Variants in PCDH9 observed in about 807,000 individuals in gnomAD.
PCDH9 encodes the protein protocadherin-9.
PCDH9 carries 24 observed loss-of-function variants against 70.6 expected under a neutral mutation model. The observed-to-expected ratio is 0.34, with a 90% CI of 0.25 to 0.48. PCDH9 has a LOEUF of 0.48. PCDH9 is among the 20% of genes least tolerant of loss of function. The pLI is 0.99. For missense variants in PCDH9, 1,281 were observed against 1,503.6 expected (o/e 0.85, Z 2.45); for synonymous variants, 562 against 558.5 (o/e 1.01, Z -0.09).
chr13:66,766,775 T>C (rs1013766078), intron 3 of PCDH9, among the ~76,000 whole-genome samples: 2 of 152,154 alleles, frequency 1.3e-5, no homozygotes, highest in Non-Finnish European at 2.9e-5. Context: ...AGTGGTGTTG[T>C]ATGGCTTGAA....
intron 4 of PCDH9, among the ~76,000 whole-genome samples, chr13:66,403,303 T>G (rs1230421275): frequency 1.3e-5 from 2 of 151,934 alleles, no homozygotes; most frequent in African/African-American, 4.8e-5. Flanking sequence ...GCCTGGCTTT[T>G]TTTTTTGTTT....
intron 4 of PCDH9, among the ~76,000 whole-genome samples, chr13:66,622,883 T>C (rs999123100): frequency 4.6e-5 from 7 of 152,182 alleles, no homozygotes; most frequent in Non-Finnish European, 7.3e-5. Context: ...ACTGCCTTTA[T>C]GAGCTGTAAC....
At chr13:66,599,172 C>T (rs1239025240) in intron 4 of PCDH9, among the ~76,000 whole-genome samples, 2 of 151,430 alleles carry the variant, frequency 1.3e-5, no homozygotes, top group Non-Finnish European at 3.0e-5. Flanking sequence ...GTTATTTTTA[C>T]TAATTGTTCA....
intron 4 of PCDH9, among the ~76,000 whole-genome samples, chr13:66,404,022 G>A (rs375977298): frequency 6.6e-6 from 1 of 152,116 alleles, no homozygotes; most frequent in South Asian, 2.1e-4. Flanking sequence ...TCTGCAACAC[G>A]GATAATGCTT....
chr13:66,451,914 T>C (rs1003647940), intron 4 of PCDH9, among the ~76,000 whole-genome samples: 3 of 152,248 alleles, frequency 2.0e-5, no homozygotes, highest in South Asian at 2.1e-4. Flanking sequence ...ACTATCTTTT[T>C]CAATACTTTT....
At chr13:67,160,354 G>A (rs1028810976) in intron 2 of PCDH9, among the ~76,000 whole-genome samples, 6 of 152,240 alleles carry the variant, frequency 3.9e-5, no homozygotes, top group African/African-American at 1.4e-4. Context: ...GACCATCCTG[G>A]CGAACACGGT....
chr13:67,078,724 G>A (rs1447782290), intron 2 of PCDH9, among the ~76,000 whole-genome samples: 1 of 152,084 alleles, frequency 6.6e-6, no homozygotes. Context: ...GTGCCTTGAT[G>A]GTATGAACCA....
chr13:67,078,280 T>C (rs1162363319), intron 2 of PCDH9, among the ~76,000 whole-genome samples: 1 of 152,158 alleles, frequency 6.6e-6, no homozygotes, highest in African/African-American at 2.4e-5. Context: ...GTCAAATTTT[T>C]CTTAGACCTG....
At chr13:66,360,670 T>G (rs1315847776) in intron 4 of PCDH9, among the ~76,000 whole-genome samples, 1 of 152,134 alleles carries the variant, frequency 6.6e-6, no homozygotes, top group Non-Finnish European at 1.5e-5. Flanking sequence ...GAACATAGTA[T>G]TAGGCTCTCT....
At chr13:66,934,972 G>C (rs1394739531) in intron 2 of PCDH9, among the ~76,000 whole-genome samples, 1 of 151,386 alleles carries the variant, frequency 6.6e-6, no homozygotes. Flanking sequence ...CGCCCGCCTC[G>C]GCCTCCCAAA....
intron 3 of PCDH9, among the ~76,000 whole-genome samples, chr13:66,681,048 T>A (rs1346729839): frequency 1.3e-5 from 2 of 152,054 alleles, no homozygotes; most frequent in Non-Finnish European, 2.9e-5. Context: ...TATTCCATCA[T>A]CATAAACTAC....
intron 4 of PCDH9, among the ~76,000 whole-genome samples, chr13:66,314,333 T>C (rs1021164051): frequency 2.0e-5 from 3 of 152,218 alleles, no homozygotes; most frequent in African/African-American, 7.2e-5. Context: ...CAACAAATTC[T>C]GAATCGGTAG....
chr13:67,204,568 A>G (rs1382326786), intron 2 of PCDH9: 1 of 152,136 alleles, frequency 6.6e-6, no homozygotes, highest in East Asian at 1.9e-4. Context: ...GCTTTCCTTA[A>G]GGCAGAAATT....
chr13:67,158,672 TG>T (rs2087875279), intron 2 of PCDH9, among the ~76,000 whole-genome samples: 1 of 152,192 alleles, frequency 6.6e-6, no homozygotes, highest in South Asian at 2.1e-4. Context: ...ACTCCAGAAC[TG>T]TGAGAAATAA....
At chr13:67,154,593 A>C (rs867118277) in intron 2 of PCDH9, among the ~76,000 whole-genome samples, 1 of 85,794 alleles carries the variant, frequency 1.2e-5, no homozygotes, top group Non-Finnish European at 2.3e-5. Flanking sequence ...AAAAAAAAAA[A>C]AAATATATAT....
chr13:66,960,576 T>C (rs1167096352), intron 2 of PCDH9, among the ~76,000 whole-genome samples: 1 of 152,224 alleles, frequency 6.6e-6, no homozygotes, highest in African/African-American at 2.4e-5. Flanking sequence ...ATCTACTTCT[T>C]TGGATTTTAC....
chr13:66,943,732 T>G lies in PCDH9; in HGVS notation c.3037-40127A>C, dbSNP rs148965287. The stretch of plus-strand genomic sequence containing the variant: ...AAAAAGGAATGTCTCTTAGTGTAAT[T>G]TTTCTGTCAATCTAGGAATATGAGA... On this transcript the variant is annotated intron_variant, in intron 2 of 4. Coordinates refer to ENST00000377865, the MANE Select transcript of PCDH9 (RefSeq NM_203487.3). 2.7e-4 allele frequency among the ~76,000 whole-genome samples: 41 copies of G among 152,178 alleles called. 1 individual carries two copies. In the South Asian group the frequency reaches 5.8e-3, roughly 22 times the overall value.
At chr13:66,660,871 T>G (rs2077999360) in intron 3 of PCDH9, among the ~76,000 whole-genome samples, 1 of 152,000 alleles carries the variant, frequency 6.6e-6, no homozygotes, top group Non-Finnish European at 1.5e-5. Flanking sequence ...TTGATTTGCT[T>G]CTGGAAATAT....
chr13:66,692,780 G>GA (rs2078506607), intron 3 of PCDH9, among the ~76,000 whole-genome samples: 1 of 151,860 alleles, frequency 6.6e-6, no homozygotes, highest in African/African-American at 2.4e-5. Context: ...AGACGAACTA[G>GA]AAAAACAACT....
Sources: allele counts gnomAD v4.1 joint callset (sites outside exome capture counted in the v4.1 genomes callset), GRCh38; gene constraint gnomAD v4.1.1; transcripts MANE v1.5; gene names NCBI Gene and HGNC (gene_info 2026-07-23, HGNC 2026-07-21).